The following ATF7IP2 variants were observed in gnomAD, a reference collection of about 807,000 sequenced individuals.
ATF7IP2 encodes the protein activating transcription factor 7-interacting protein 2.
ATF7IP2 carries 42 observed loss-of-function variants against 64.2 expected under a neutral mutation model. The observed-to-expected ratio is 0.65, with a 90% CI of 0.51 to 0.85. The LOEUF (loss-of-function observed/expected upper bound fraction) is 0.85, where lower values mean the gene tolerates loss of function less well. Among genes scored for constraint, ATF7IP2 ranks in the 40% least tolerant of loss-of-function variants. ATF7IP2 has a pLI of 0.00. For missense variants in ATF7IP2, 933 were observed against 784.2 expected (o/e 1.19, Z -2.27); for synonymous variants, 308 against 272.8 (o/e 1.13, Z -1.27).
At chr16:10,443,946 T>C (rs2048715980) in intron 8 of ATF7IP2, among the ~76,000 whole-genome samples, 1 of 152,126 alleles carries the variant, frequency 6.6e-6, no homozygotes, top group Admixed American at 6.5e-5. Flanking sequence ...AGTCCAGCCT[T>C]GGTACTGAGT....
chr16:10,451,599 G>A lies in ATF7IP2; in HGVS notation c.1195-5773G>A, dbSNP rs892035612. On this transcript the variant is annotated intron_variant, in intron 8 of 13. Coordinates refer to ENST00000562102, the MANE Select transcript of ATF7IP2 (RefSeq NM_001393719.1). Reference sequence around the variant, plus strand: ...TTCAATCTCTGATATCCTTTCTTCCGCTTGATCAGTTCAGCTGTTAATACT... The same window carrying A: ...TTCAATCTCTGATATCCTTTCTTCCACTTGATCAGTTCAGCTGTTAATACT... Among the ~76,000 whole-genome samples, 3 of 151,414 alleles carry A rather than the reference G, an allele frequency of 2.0e-5. No homozygotes were observed. The South Asian group carries it at 6.3e-4, about 32-fold the overall frequency.
chr16:10,475,845 T>C (rs1192142699), intron 12 of ATF7IP2, among the ~76,000 whole-genome samples: 1 of 151,934 alleles, frequency 6.6e-6, no homozygotes, highest in South Asian at 2.1e-4. Context: ...AACACTCCAT[T>C]GAAAAGCATT....
rs902754189 is a variant in ATF7IP2 at position 10,433,511 on chromosome 16, T to C, written c.836-14T>C. 3 of 1,603,676 alleles carry C rather than the reference T, an allele frequency of 1.9e-6. No homozygotes were observed. The highest frequency in any genetic ancestry group is 2.6e-6 in the Non-Finnish European group (3 of 1,175,332). On this transcript the variant is annotated splice_polypyrimidine_tract_variant and intron_variant, in intron 5 of 13. Coordinates refer to ENST00000562102, the MANE Select transcript of ATF7IP2 (RefSeq NM_001393719.1). ...TTAAAATATCTTTCTTTCTAATCTT[T>C]TGATCTCCTCAAGGCCATTATCAAA...
intron 9 of ATF7IP2, among the ~76,000 whole-genome samples, chr16:10,460,521 C>G (rs1290495004): frequency 1.3e-5 from 2 of 152,090 alleles, no homozygotes; most frequent in Non-Finnish European, 2.9e-5. Context: ...ACAAATAGAC[C>G]AGTGTAACAG....
At chr16:10,439,714 A>G (rs2048547636) in intron 7 of ATF7IP2, among the ~76,000 whole-genome samples, 1 of 140,530 alleles carries the variant, frequency 7.1e-6, no homozygotes. Flanking sequence ...TTGTGTTCTT[A>G]GTAGAGATGG....
chr16:10,408,358 T>A (rs2047684586), intron 1 of ATF7IP2, among the ~76,000 whole-genome samples: 2 of 152,228 alleles, frequency 1.3e-5, no homozygotes, highest in Non-Finnish European at 2.9e-5. Context: ...GGATACCCAA[T>A]AGTGGGATTG....
chr16:10,396,412 C>T (rs1437202603), intron 1 of ATF7IP2, among the ~76,000 whole-genome samples: 2 of 152,136 alleles, frequency 1.3e-5, no homozygotes, highest in African/African-American at 2.4e-5. Context: ...TTTTTGCCTT[C>T]GTTCCCTATG....
At chr16:10,388,818 G>C (rs1407005019) in intron 1 of ATF7IP2, among the ~76,000 whole-genome samples, 1 of 152,016 alleles carries the variant, frequency 6.6e-6, no homozygotes, top group East Asian at 1.9e-4. Flanking sequence ...AGACCATCTT[G>C]GTTAACATGG....
intron 1 of ATF7IP2, chr16:10,387,751 T>G (rs1475194379): frequency 6.6e-6 from 1 of 152,178 alleles, no homozygotes; most frequent in Non-Finnish European, 1.5e-5. Context: ...AGAGTATTAG[T>G]TCTCATTGTT....
At chr16:10,423,293 A>G (rs1397910343) in intron 3 of ATF7IP2, among the ~76,000 whole-genome samples, 1 of 152,230 alleles carries the variant, frequency 6.6e-6, no homozygotes, top group African/African-American at 2.4e-5. Context: ...ACCTAGAAGT[A>G]ATGCTGGCAT....
rs909062135 is a variant in ATF7IP2, at chr16:10,440,392, T to C, written c.1124T>C (p.Ile375Thr). 29 of 1,563,658 alleles carry C rather than the reference T, an allele frequency of 1.9e-5. No homozygotes were observed. The highest frequency in any genetic ancestry group is 2.4e-5 in the Non-Finnish European group (28 of 1,160,486). The change falls in exon 8 of 14, where the codon ATT (isoleucine) becomes ACT (threonine). Residue 375 changes from isoleucine (I) to threonine (T), a missense_variant. By Grantham distance (89) the Ile-to-Thr change is moderately conservative. Coordinates refer to ENST00000562102, the MANE Select transcript of ATF7IP2 (RefSeq NM_001393719.1). Reference sequence around the variant, plus strand: ...AAAATAGCAAAACTTCAAAGACGTATTAAAACAGTATTATTATTTCAAAGG... The same window carrying C: ...AAAATAGCAAAACTTCAAAGACGTACTAAAACAGTATTATTATTTCAAAGG... Reference protein sequence around the residue: ...LAKIAKLQRRIKTVLLFQRNC... With the variant: ...LAKIAKLQRRTKTVLLFQRNC...
intron 9 of ATF7IP2, among the ~76,000 whole-genome samples, chr16:10,459,132 G>C (rs938167079): frequency 6.6e-6 from 1 of 151,786 alleles, no homozygotes; most frequent in Non-Finnish European, 1.5e-5. Context: ...TCGGGAGTTC[G>C]AGACTAGCCT....
chr16:10,456,547 G>A (rs183505392), intron 8 of ATF7IP2, among the ~76,000 whole-genome samples: 191 of 152,220 alleles, frequency 1.3e-3, no homozygotes, highest in Admixed American at 2.2e-3. Context: ...AGCTCTTACA[G>A]TGCCATACTG....
chr16:10,390,209 A>G (rs1326683672), intron 1 of ATF7IP2, among the ~76,000 whole-genome samples: 1 of 152,224 alleles, frequency 6.6e-6, no homozygotes, highest in African/African-American at 2.4e-5. Context: ...GGAGAAACCC[A>G]ATGAAGCAGG....
intron 1 of ATF7IP2, among the ~76,000 whole-genome samples, chr16:10,389,352 A>G (rs1203543380): frequency 1.3e-5 from 2 of 152,220 alleles, no homozygotes; most frequent in East Asian, 1.9e-4. Flanking sequence ...AACTGGATCT[A>G]CGAATGACAG....
chr16:10,453,340 G>T (rs1050907619), intron 8 of ATF7IP2, among the ~76,000 whole-genome samples: 1 of 152,178 alleles, frequency 6.6e-6, no homozygotes, highest in African/African-American at 2.4e-5. Context: ...GGGTAGGGAA[G>T]AGAATTCCTT....
chr16:10,457,422 T>C lies in ATF7IP2; in HGVS notation c.1245T>C (p.Asn415=). The change falls in exon 9 of 14, where the codon AAT becomes AAC. Residue 415 remains asparagine, a synonymous_variant. Coordinates refer to ENST00000562102, the MANE Select transcript of ATF7IP2 (RefSeq NM_001393719.1). ...MILDKNLESV[N]SPIEKSSVNY... Reference sequence around the variant, plus strand: ...TGGATAAGAATCTTGAGTCAGTTAATAGTCCAATTGAAAAGTCTTCTGTGA... The same window carrying C: ...TGGATAAGAATCTTGAGTCAGTTAACAGTCCAATTGAAAAGTCTTCTGTGA... 6.2e-7 allele frequency: 1 copy of C among 1,608,616 alleles called. No individual in the cohort carries two copies. Among genetic ancestry groups the C allele is most frequent in the Non-Finnish European group, 8.5e-7 (1 of 1,178,130 alleles).
chr16:10,465,469 G>A (rs1030994166), intron 9 of ATF7IP2, among the ~76,000 whole-genome samples: 7 of 151,656 alleles, frequency 4.6e-5, no homozygotes, highest in African/African-American at 9.7e-5. Flanking sequence ...GAGCTGGGCC[G>A]GGCACAGTGA....
At chr16:10,430,293 T>C (rs996946818) in intron 4 of ATF7IP2, among the ~76,000 whole-genome samples, 2 of 152,194 alleles carry the variant, frequency 1.3e-5, no homozygotes, top group African/African-American at 4.8e-5. Flanking sequence ...AACTATGACT[T>C]ACCTGGATAA....
Sources: gnomAD v4.1 joint callset for allele counts (sites outside exome capture counted in the v4.1 genomes callset) on GRCh38, gnomAD v4.1.1 for gene constraint, MANE v1.5 for transcripts, NCBI Gene and HGNC (gene_info 2026-07-23, HGNC 2026-07-21) for gene names.